GSE1: variants seen among roughly 807,000 people sequenced by gnomAD.
The protein encoded by GSE1 is genetic suppressor element 1.
GSE1 carries 32 observed loss-of-function variants against 112.6 expected under a neutral mutation model. The ratio of observed to expected loss-of-function variants is 0.28; its 90% CI spans 0.21 to 0.38. The LOEUF is 0.38. GSE1 is among the 10% of genes least tolerant of loss of function. GSE1 has a pLI of 1.00. For synonymous variants in GSE1, 1,115 were observed against 735.6 expected (o/e 1.52, Z -8.35); for missense variants, 2,348 against 1,699.2 (o/e 1.38, Z -6.71).
intron 1 of GSE1, among the ~76,000 whole-genome samples, chr16:85,193,828 C>T (rs2074874898): frequency 6.6e-6 from 1 of 152,172 alleles, no homozygotes; most frequent in African/African-American, 2.4e-5. Flanking sequence ...AATGAAGAGC[C>T]AGTGTACCCT....
At chr16:85,182,310 C>T (rs1375908837) in intron 1 of GSE1, among the ~76,000 whole-genome samples, 3 of 152,220 alleles carry the variant, frequency 2.0e-5, no homozygotes, top group Non-Finnish European at 4.4e-5. Context: ...CCTCTGGGTT[C>T]AGCCCTGTTG....
At chr16:85,488,245 C>T (rs2050904292) in intron 2 of GSE1, among the ~76,000 whole-genome samples, 1 of 152,202 alleles carries the variant, frequency 6.6e-6, no homozygotes, top group Non-Finnish European at 1.5e-5. Flanking sequence ...GTTTCCCCAT[C>T]TAGCATCCTC....
chr16:85,533,914 A>G lies in GSE1; in HGVS notation c.2465-100000A>G, dbSNP rs546473372. Among the ~76,000 whole-genome samples, 17 of 152,214 alleles carry G rather than the reference A, an allele frequency of 1.1e-4. 1 individual carries two copies. In the South Asian group the frequency reaches 3.5e-3, roughly 32 times the overall value. On this transcript the variant is annotated intron_variant, in intron 2 of 2. Transcript: ENST00000637419. Reference sequence around the variant, plus strand: ...ATTATTGAGGGGTGGTTTGCATTCAACAAAATGTACCCACTGTGAGGGGAC... The same window carrying G: ...ATTATTGAGGGGTGGTTTGCATTCAGCAAAATGTACCCACTGTGAGGGGAC...
At chr16:85,252,711 C>T (rs1024777899) in intron 1 of GSE1, among the ~76,000 whole-genome samples, 1 of 152,230 alleles carries the variant, frequency 6.6e-6, no homozygotes, top group Non-Finnish European at 1.5e-5. Flanking sequence ...GCTTTGAACC[C>T]TTGAGCCTCC....
chr16:85,519,814 G>A (rs914800062), intron 2 of GSE1, among the ~76,000 whole-genome samples: 6 of 152,202 alleles, frequency 3.9e-5, no homozygotes, highest in Admixed American at 6.5e-5. Context: ...CACTGTCATC[G>A]TCATTCATGG....
chr16:85,360,307 C>T (rs1044717786), intron 2 of GSE1, among the ~76,000 whole-genome samples: 2 of 152,014 alleles, frequency 1.3e-5, no homozygotes, highest in African/African-American at 2.4e-5. Flanking sequence ...GTGGGGGACC[C>T]CCGTGAGTGT....
chr16:85,665,338 G>A (rs995300392), intron 12 of GSE1, among the ~76,000 whole-genome samples: 1 of 152,274 alleles, frequency 6.6e-6, no homozygotes, highest in Non-Finnish European at 1.5e-5. Context: ...GAGTTGAGGG[G>A]AGGGTCTGGC....
At chr16:85,639,025 C>T (rs1377478727) in intron 2 of GSE1, among the ~76,000 whole-genome samples, 1 of 152,180 alleles carries the variant, frequency 6.6e-6, no homozygotes, top group Non-Finnish European at 1.5e-5. Flanking sequence ...TAGAAGGAGG[C>T]TGCAGGTTTG....
chr16:85,300,480 C>T (rs185939068), intron 1 of GSE1, among the ~76,000 whole-genome samples: 34 of 152,376 alleles, frequency 2.2e-4, no homozygotes, highest in African/African-American at 7.5e-4. Context: ...TGTAACCACT[C>T]ATCCGCTTCC....
intron 1 of GSE1, among the ~76,000 whole-genome samples, chr16:85,242,097 T>A (rs566612166): frequency 6.7e-4 from 102 of 152,332 alleles, no homozygotes; most frequent in Non-Finnish European, 1.2e-3. Context: ...AAGTGATTTG[T>A]GCTGGTGCTC....
chr16:85,412,965 G>A (rs979115090), intron 2 of GSE1, among the ~76,000 whole-genome samples: 5 of 152,136 alleles, frequency 3.3e-5, no homozygotes, highest in Admixed American at 6.5e-5. Context: ...CCATCGGCCC[G>A]GGTGCCTGTT....
chr16:85,573,691 C>T (rs2046102245), intron 1 of GSE1, among the ~76,000 whole-genome samples: 1 of 152,164 alleles, frequency 6.6e-6, no homozygotes, highest in South Asian at 2.1e-4. Context: ...AACACCCAGC[C>T]ATCACAGTGG....
intron 1 of GSE1, among the ~76,000 whole-genome samples, chr16:85,192,015 G>C (rs2074833793): frequency 6.6e-6 from 1 of 152,212 alleles, no homozygotes; most frequent in Non-Finnish European, 1.5e-5. Flanking sequence ...TATTCATGTT[G>C]AAAATGTAGA....
chr16:85,336,481 T>C (rs2046487871), intron 1 of GSE1, among the ~76,000 whole-genome samples: 1 of 152,208 alleles, frequency 6.6e-6, no homozygotes, highest in African/African-American at 2.4e-5. Flanking sequence ...ACCTGCAGCC[T>C]TGGTGGCTCG....
intron 1 of GSE1, among the ~76,000 whole-genome samples, chr16:85,600,843 A>T (rs868414102): frequency 6.6e-6 from 1 of 152,062 alleles, no homozygotes; most frequent in African/African-American, 2.4e-5. Context: ...TGGGGACAGG[A>T]GGGCTGTTTG....
chr16:85,637,224 T>C (rs1426296701), intron 2 of GSE1, among the ~76,000 whole-genome samples: 1 of 152,204 alleles, frequency 6.6e-6, no homozygotes, highest in Non-Finnish European at 1.5e-5. Flanking sequence ...TCTGCCTCTG[T>C]AGATGTACCT....
At chr16:85,605,236 G>T (rs968822029) in intron 1 of GSE1, among the ~76,000 whole-genome samples, 1 of 151,832 alleles carries the variant, frequency 6.6e-6, no homozygotes, top group African/African-American at 2.4e-5. Flanking sequence ...CTGGGCTCAC[G>T]CAAGTTGCTG....
intron 2 of GSE1, among the ~76,000 whole-genome samples, chr16:85,513,979 G>C (rs1045642067): frequency 3.3e-5 from 5 of 152,070 alleles, no homozygotes; most frequent in Non-Finnish European, 7.4e-5. Flanking sequence ...GGATCCTCCT[G>C]TTGAGACCCC....
Position 85,655,765 on chromosome 16 carries a change from G to T in GSE1, c.837G>T (p.Pro279=). The T allele has an allele frequency of 6.2e-7, 1 of 1,609,762 alleles. No homozygotes were observed. Among genetic ancestry groups the T allele is most frequent in the South Asian group, 1.1e-5 (1 of 90,674 alleles). The change falls in exon 6 of 16, where the codon CCG becomes CCT. Residue 279 remains proline (P), a synonymous_variant. Transcript: ENST00000253458. The part of the protein sequence containing the change: ...DSYCLSALRS[P]FYPIPTPGSL... ...ACTGCCTGTCTGCCCTGAGGTCCCC[G>T]TTCTACCCCATCCCCACCCCCGGCT...
Sources: gnomAD v4.1 joint callset for allele counts (sites outside exome capture counted in the v4.1 genomes callset) on GRCh38, gnomAD v4.1.1 for gene constraint, MANE v1.5 for transcripts, NCBI Gene and HGNC (gene_info 2026-07-23, HGNC 2026-07-21) for gene names.